PTPRD: variants seen among roughly 807,000 people sequenced by gnomAD.
PTPRD encodes the protein receptor-type tyrosine-protein phosphatase delta.
A neutral mutation model predicts 214.5 loss-of-function variants in PTPRD; 34 were observed. The ratio of observed to expected loss-of-function variants is 0.16; its 90% CI spans 0.12 to 0.21. The LOEUF (loss-of-function observed/expected upper bound fraction) is 0.21. PTPRD is among the 10% of genes least tolerant of loss of function. PTPRD has a pLI of 1.00. For missense variants in PTPRD, 2,545 were observed against 2,398.7 expected (o/e 1.06, Z -1.27); for synonymous variants, 1,128 against 845.7 (o/e 1.33, Z -5.79).
chr9:9,666,730 T>C (rs1382263228), intron 7 of PTPRD, among the ~76,000 whole-genome samples: 1 of 152,044 alleles, frequency 6.6e-6, no homozygotes, highest in Admixed American at 6.6e-5. Context: ...ATCTAGTTTC[T>C]CATTCCCCTT....
intron 11 of PTPRD, among the ~76,000 whole-genome samples, chr9:8,992,491 G>A (rs909619831): frequency 6.6e-6 from 1 of 152,148 alleles, no homozygotes; most frequent in Non-Finnish European, 1.5e-5. Flanking sequence ...TAGAGAGAAT[G>A]TCACTGTAAG....
chr9:9,364,592 T>C (rs999303497), intron 9 of PTPRD, among the ~76,000 whole-genome samples: 1 of 151,194 alleles, frequency 6.6e-6, no homozygotes, highest in African/African-American at 2.4e-5. Flanking sequence ...CGGTCTTGAG[T>C]GGCAGAGGCA....
At chr9:8,605,260 A>T (rs1042697944) in intron 14 of PTPRD, among the ~76,000 whole-genome samples, 3 of 152,210 alleles carry the variant, frequency 2.0e-5, no homozygotes, top group African/African-American at 7.2e-5. Flanking sequence ...ACAATTTAAT[A>T]TTTATGTAAG....
At chr9:8,404,044 G>A (rs527532698) in intron 36 of PTPRD, among the ~76,000 whole-genome samples, 66 of 152,302 alleles carry the variant, frequency 4.3e-4, no homozygotes, top group African/African-American at 1.5e-3. Context: ...GTCATATGGT[G>A]TCAGGGATAT....
At chr9:10,510,389 A>C (rs184216695) in intron 2 of PTPRD, among the ~76,000 whole-genome samples, 1 of 152,156 alleles carries the variant, frequency 6.6e-6, no homozygotes, top group Non-Finnish European at 1.5e-5. Context: ...CTACTGTCAC[A>C]TATAGAACAG....
In PTPRD at chr9:10,501,630, TG is replaced by T. The variant is rs142647306; in HGVS notation, c.-600+110767del. Among the ~76,000 whole-genome samples, 353 of 152,080 alleles carry T rather than the reference TG, an allele frequency of 2.3e-3. 2 individuals are homozygous for T. Among genetic ancestry groups the T allele is most frequent in the African/African-American group, 8.1e-3 (336 of 41,548 alleles). On this transcript the variant is annotated intron_variant, in intron 2 of 45. Transcript: ENST00000381196. ...CATAAAACCATGAGAGAAAACAACT[TG>T]GGGGAATTAGACAAAGGGACAGTAT... is the stretch of plus-strand genomic sequence containing the variant.
chr9:10,578,854 A>G (rs2070599293), intron 2 of PTPRD, among the ~76,000 whole-genome samples: 1 of 152,238 alleles, frequency 6.6e-6, no homozygotes, highest in African/African-American at 2.4e-5. Flanking sequence ...ATAGTACCCA[A>G]TAGTCGTGTT....
At chr9:8,518,936 A>G (rs1165448978) in intron 20 of PTPRD, among the ~76,000 whole-genome samples, 5 of 152,182 alleles carry the variant, frequency 3.3e-5, no homozygotes, top group East Asian at 1.9e-4. Context: ...CCTTGCCCCA[A>G]TAAATAAATG....
At chr9:9,969,670 C>A (rs1306402164) in intron 4 of PTPRD, among the ~76,000 whole-genome samples, 2 of 152,180 alleles carry the variant, frequency 1.3e-5, no homozygotes, top group African/African-American at 2.4e-5. Context: ...CTTGGGGCTG[C>A]CGCTTCTACT....
intron 7 of PTPRD, among the ~76,000 whole-genome samples, chr9:9,684,541 T>A (rs539119162): frequency 7.8e-4 from 118 of 151,862 alleles, no homozygotes; most frequent in Non-Finnish European, 1.5e-3. Flanking sequence ...TTTTAGCTGG[T>A]AATTGAGTAA....
intron 9 of PTPRD, among the ~76,000 whole-genome samples, chr9:9,299,749 T>G (rs1420596605): frequency 6.6e-6 from 1 of 151,254 alleles, no homozygotes; most frequent in Non-Finnish European, 1.5e-5. Context: ...TATAAATGGA[T>G]AGAATAGACA....
intron 10 of PTPRD, among the ~76,000 whole-genome samples, chr9:9,050,490 T>C (rs780571671): frequency 4.6e-5 from 7 of 152,292 alleles, no homozygotes; most frequent in Non-Finnish European, 1.0e-4. Context: ...TAAAATGCAG[T>C]AGTCTCCACT....
chr9:8,810,577 G>C (rs1235276295), intron 11 of PTPRD, among the ~76,000 whole-genome samples: 2 of 152,104 alleles, frequency 1.3e-5, no homozygotes, highest in Non-Finnish European at 2.9e-5. Flanking sequence ...TTGGGCTTGG[G>C]TTATCGAACA....
intron 9 of PTPRD, among the ~76,000 whole-genome samples, chr9:9,366,133 G>A (rs2057822505): frequency 6.6e-6 from 1 of 151,322 alleles, no homozygotes; most frequent in Admixed American, 6.6e-5. Context: ...GATCATATAT[G>A]GAAGGAACTC....
At chr9:9,687,563 AC>A (rs1395998728) in intron 7 of PTPRD, among the ~76,000 whole-genome samples, 3 of 151,712 alleles carry the variant, frequency 2.0e-5, no homozygotes, top group Non-Finnish European at 1.5e-5. Context: ...ACCTAAAATA[AC>A]TTTTTACATA....
intron 9 of PTPRD, among the ~76,000 whole-genome samples, chr9:9,198,676 G>A (rs1290494922): frequency 1.3e-5 from 2 of 152,116 alleles, no homozygotes; most frequent in East Asian, 3.9e-4. Context: ...GTTTTAAACT[G>A]GTCTGAAATT....
intron 3 of PTPRD, among the ~76,000 whole-genome samples, chr9:10,284,484 TTCTA>T (rs1430669618): frequency 6.6e-6 from 1 of 152,194 alleles, no homozygotes; most frequent in Non-Finnish European, 1.5e-5. Context: ...TTGGGAAACA[TTCTA>T]TCTTTTTTCT....
intron 39 of PTPRD, among the ~76,000 whole-genome samples, chr9:8,346,467 A>G (rs989191102): frequency 1.3e-5 from 2 of 152,150 alleles, no homozygotes; most frequent in African/African-American, 2.4e-5. Context: ...AAAATATTAA[A>G]TGGAAAATTC....
chr9:9,814,795 C>CTTTTTTT (rs34270280), intron 5 of PTPRD, among the ~76,000 whole-genome samples: 1 of 106,382 alleles, frequency 9.4e-6, no homozygotes, highest in Non-Finnish European at 1.8e-5. Context: ...ACCAAAGTGA[C>CTTTTTTT]TTTTTTTTTT....
Sources: allele counts gnomAD v4.1 joint callset (sites outside exome capture counted in the v4.1 genomes callset), GRCh38; gene constraint gnomAD v4.1.1; transcripts MANE v1.5; gene names NCBI Gene and HGNC (gene_info 2026-07-23, HGNC 2026-07-21).